MRPS28: variants seen among roughly 807,000 people sequenced by gnomAD.
MRPS28 encodes the protein mitochondrial ribosomal protein S28, also known as small ribosomal subunit protein bS1m.
In MRPS28, 7 loss-of-function variants were observed where a neutral mutation model predicts 10.8. That is an observed-to-expected ratio of 0.65 (90% CI 0.37 to 1.22). The LOEUF (loss-of-function observed/expected upper bound fraction) is 1.22. Ranked by LOEUF, MRPS28 falls within the 50% of genes most tolerant of loss-of-function variation. The probability of loss-of-function intolerance (pLI) is 0.02; values close to 1 mark genes in which losing one functional copy is unlikely to be tolerated. For missense variants in MRPS28, 265 were observed against 232.9 expected (o/e 1.14, Z -0.90); for synonymous variants, 121 against 93.3 (o/e 1.30, Z -1.71).
chr8:79,973,839 T>TAAAAAAA (rs11449920), intron 2 of MRPS28, among the ~76,000 whole-genome samples: 1 of 136,118 alleles, frequency 7.3e-6, no homozygotes, highest in African/African-American at 2.7e-5. Context: ...AATAAATTAA[T>TAAAAAAA]AAAAAAAAAA....
chr8:79,921,032 T>A (rs1810078232), intron 2 of MRPS28, among the ~76,000 whole-genome samples: 1 of 152,218 alleles, frequency 6.6e-6, no homozygotes, highest in African/African-American at 2.4e-5. Flanking sequence ...CCCAGCACCA[T>A]TTATTAAAGA....
intron 1 of MRPS28, among the ~76,000 whole-genome samples, chr8:80,004,300 C>T (rs1014570742): frequency 6.6e-6 from 1 of 152,188 alleles, no homozygotes; most frequent in East Asian, 1.9e-4. Context: ...TCCAGAGGAA[C>T]AATCAGGCAG....
At position 80,030,226 on chromosome 8, in the gene MRPS28, C is replaced by G. The variant is rs150015248; in HGVS notation, c.23G>C (p.Arg8Pro). 1 of 1,614,086 alleles carries G rather than the reference C, an allele frequency of 6.2e-7. No individual in the cohort carries two copies. Among genetic ancestry groups the G allele is most frequent in the Non-Finnish European group, 8.5e-7 (1 of 1,180,042 alleles). Residue 8 changes from arginine (R) to proline (P), a missense_variant, in exon 1 of 3, where the codon CGT (arginine) becomes CCT (proline). Transcript: ENST00000276585. Reference sequence around the variant, plus strand: ...AAAATGGCTCTCGGCAGCCACAGCACGGGTCCGACACAGCGCCGCCATGAC... The same window carrying G: ...AAAATGGCTCTCGGCAGCCACAGCAGGGGTCCGACACAGCGCCGCCATGAC... The part of the protein sequence containing the change: MAALCRT[R>P]AVAAESHFLR...
intron 2 of MRPS28, among the ~76,000 whole-genome samples, chr8:79,988,708 CA>C (rs1182891284): frequency 6.6e-6 from 1 of 152,072 alleles, no homozygotes; most frequent in Non-Finnish European, 1.5e-5. Context: ...CAGACAGCTC[CA>C]AAATAAGCCT....
intron 2 of MRPS28, among the ~76,000 whole-genome samples, chr8:79,925,912 G>C (rs1004768689): frequency 6.6e-6 from 1 of 151,728 alleles, no homozygotes; most frequent in African/African-American, 2.4e-5. Context: ...GCTTGAGCCT[G>C]GCTGGTCGAG....
chr8:80,024,351 G>A (rs1809446114), intron 1 of MRPS28, among the ~76,000 whole-genome samples: 1 of 152,198 alleles, frequency 6.6e-6, no homozygotes, highest in Non-Finnish European at 1.5e-5. Context: ...AAGTGAGCAT[G>A]GGATGAGTAT....
intron 2 of MRPS28, among the ~76,000 whole-genome samples, chr8:79,970,438 T>C (rs1363693749): frequency 2.0e-5 from 3 of 152,186 alleles, no homozygotes; most frequent in South Asian, 2.1e-4. Flanking sequence ...CAGAGGATAG[T>C]TGGTAAACTC....
At chr8:80,005,100 G>T (rs897971151) in intron 1 of MRPS28, among the ~76,000 whole-genome samples, 15 of 152,128 alleles carry the variant, frequency 9.9e-5, no homozygotes, top group Non-Finnish European at 1.5e-4. Context: ...AATCTAGCAA[G>T]GCAGGCCAAC....
chr8:79,990,211 T>C (rs1808319633), intron 2 of MRPS28, among the ~76,000 whole-genome samples: 1 of 152,042 alleles, frequency 6.6e-6, no homozygotes, highest in African/African-American at 2.4e-5. Context: ...AAAACAGAAC[T>C]CCTGCCCTTT....
intron 1 of MRPS28, among the ~76,000 whole-genome samples, chr8:80,025,716 T>C (rs1809479151): frequency 6.6e-6 from 1 of 152,124 alleles, no homozygotes; most frequent in South Asian, 2.1e-4. Context: ...TTTTAAATAA[T>C]GAATTCATTG....
chr8:79,960,742 G>A (rs1807354448), intron 2 of MRPS28, among the ~76,000 whole-genome samples: 2 of 152,064 alleles, frequency 1.3e-5, no homozygotes, highest in South Asian at 2.1e-4. Context: ...AAGAAAACAA[G>A]TATTTAGATC....
chr8:80,009,621 G>GA lies in MRPS28; in HGVS notation c.214-6442dup, dbSNP rs146207161. 7.5e-3 allele frequency among the ~76,000 whole-genome samples: 1,079 copies of GA among 144,494 alleles called. 15 individuals carry two copies. Among genetic ancestry groups the GA allele is most frequent in the East Asian group, 0.057 (286 of 5,000 alleles). The allele number at this position is 144,494 out of a possible 152,430, so 94.8% of individuals were successfully genotyped here. On this transcript the variant is annotated intron_variant, in intron 1 of 2. Coordinates refer to ENST00000276585, the MANE Select transcript of MRPS28 (RefSeq NM_014018.3). Reference sequence around the variant, plus strand: ...ACAAGAGCCAAACTGTCTCAAAAAAGAAAAAAAAAAGAAAGAAATTAGGCA... The same window carrying GA: ...ACAAGAGCCAAACTGTCTCAAAAAAGAAAAAAAAAAAGAAAGAAATTAGGCA...
chr8:80,029,794 C>G, intron 1 of MRPS28: 4 of 1,519,264 alleles, frequency 2.6e-6, no homozygotes, highest in Non-Finnish European at 3.5e-6. Flanking sequence ...GGAAAACAAG[C>G]GCAGTGTGGA....
intron 2 of MRPS28, among the ~76,000 whole-genome samples, chr8:79,971,070 C>A (rs1269395266): frequency 1.3e-5 from 2 of 152,180 alleles, no homozygotes; most frequent in Non-Finnish European, 2.9e-5. Flanking sequence ...ACTACCAAAT[C>A]AGCATGCCAG....
intron 2 of MRPS28, among the ~76,000 whole-genome samples, chr8:80,001,081 C>T (rs1047387608): frequency 2.6e-5 from 4 of 152,268 alleles, no homozygotes; most frequent in East Asian, 1.9e-4. Flanking sequence ...AGCAGTTGAA[C>T]ATCTGCTGAG....
At chr8:79,975,183 G>A (rs1002574556) in intron 2 of MRPS28, among the ~76,000 whole-genome samples, 2 of 152,054 alleles carry the variant, frequency 1.3e-5, no homozygotes, top group South Asian at 4.2e-4. Flanking sequence ...TGTAGTCCCA[G>A]CTACTTGAAG....
chr8:79,940,372 GAGTGA>G (rs1332184197), intron 2 of MRPS28, among the ~76,000 whole-genome samples: 1 of 152,142 alleles, frequency 6.6e-6, no homozygotes, highest in African/African-American at 2.4e-5. Context: ...ATGCATTTGC[GAGTGA>G]AGTGAACTCC....
At chr8:80,014,263 G>A (rs1052245737) in intron 1 of MRPS28, among the ~76,000 whole-genome samples, 7 of 152,070 alleles carry the variant, frequency 4.6e-5, no homozygotes, top group African/African-American at 1.7e-4. Context: ...CATAATATCT[G>A]GTAATAGGCA....
intron 1 of MRPS28, among the ~76,000 whole-genome samples, chr8:80,022,256 A>G (rs1408453485): frequency 6.6e-6 from 1 of 150,996 alleles, no homozygotes; most frequent in Non-Finnish European, 1.5e-5. Flanking sequence ...CATTCAAATT[A>G]TTTTGTGTAT....
Sources: allele counts gnomAD v4.1 joint callset (sites outside exome capture counted in the v4.1 genomes callset), GRCh38; gene constraint gnomAD v4.1.1; transcripts MANE v1.5; gene names NCBI Gene and HGNC (gene_info 2026-07-23, HGNC 2026-07-21).